The following PITPNM3 variants were observed in gnomAD, a reference collection of about 807,000 sequenced individuals.
PITPNM3 encodes the protein membrane-associated phosphatidylinositol transfer protein 3.
Under a neutral mutation model 102.0 loss-of-function variants are expected in PITPNM3, and 26 were observed. That is an observed-to-expected ratio of 0.25 (90% CI 0.19 to 0.35). The LOEUF (loss-of-function observed/expected upper bound fraction) is 0.35. Ranked by LOEUF, PITPNM3 falls within the 10% of genes least tolerant of loss-of-function variation. The probability of loss-of-function intolerance (pLI) is 1.00; values close to 1 mark genes in which losing one functional copy is unlikely to be tolerated. For missense variants in PITPNM3, 1,083 were observed against 1,346.1 expected, an observed-to-expected ratio of 0.80 and a Z score of 3.06; for synonymous variants, 578 against 558.6, an observed-to-expected ratio of 1.03 and a Z score of -0.49.
intron 3 of PITPNM3, among the ~76,000 whole-genome samples, chr17:6,508,136 C>T (rs532460717): frequency 5.9e-5 from 9 of 152,106 alleles, no homozygotes; most frequent in African/African-American, 1.7e-4. Context: ...TGCCAAGAGG[C>T]CAGGAGGTGA....
intron 9 of PITPNM3, among the ~76,000 whole-genome samples, chr17:6,475,130 C>T (rs1905245699): frequency 6.6e-6 from 1 of 152,214 alleles, no homozygotes; most frequent in African/African-American, 2.4e-5. Context: ...TTCTGTTCTG[C>T]TGGGATCAGG....
chr17:6,455,476 C>T lies in PITPNM3; in HGVS notation c.2787G>A (p.Val929=), dbSNP rs2150711435. Residue 929 remains valine (V), a synonymous_variant, in exon 20 of 20, where the codon GTG becomes GTA. Transcript: ENST00000262483. ...KRNHLRRTMS[V]QQPDPPAANP... ...TGGCGGCGGGCGGGTCGGGCTGCTGCACTGACATGGTTCTGCGCAGGTGGT... is the reference window on the plus strand; with the variant it reads ...TGGCGGCGGGCGGGTCGGGCTGCTGTACTGACATGGTTCTGCGCAGGTGGT... The T allele has an allele frequency of 6.2e-7, 1 of 1,605,608 alleles. No individual in the cohort carries two copies. Among genetic ancestry groups the T allele is most frequent in the South Asian group, 1.1e-5 (1 of 91,066 alleles).
chr17:6,544,334 C>T lies in PITPNM3; in HGVS notation c.23-6252G>A, dbSNP rs180994589. 9.2e-5 allele frequency among the ~76,000 whole-genome samples: 14 copies of T among 152,196 alleles called. No individual in the cohort carries two copies. In the East Asian group the frequency reaches 1.2e-3, roughly 13 times the overall value. On this transcript the variant is annotated intron_variant, in intron 1 of 19. Coordinates refer to ENST00000262483, the MANE Select transcript of PITPNM3 (RefSeq NM_031220.4). The stretch of plus-strand genomic sequence containing the variant: ...GAGCCCAGGAGTTTGAGACCAGCCA[C>T]GTCAACAAAGTGAGACCCCATCTGT...
At chr17:6,461,998 AGCCTCCTGG>A (rs1388991750) in intron 17 of PITPNM3, among the ~76,000 whole-genome samples, 1 of 151,458 alleles carries the variant, frequency 6.6e-6, no homozygotes, top group African/African-American at 2.4e-5. Context: ...CCACTACAAA[AGCCTCCTGG>A]GCGGCCTCTT....
chr17:6,480,517 C>A (rs1226101443), intron 6 of PITPNM3: 1 of 152,366 alleles, frequency 6.6e-6, no homozygotes, highest in African/African-American at 2.4e-5. Flanking sequence ...ACACCTGGCA[C>A]CCTGCTGGGG....
intron 1 of PITPNM3, among the ~76,000 whole-genome samples, chr17:6,550,859 G>A (rs1286898068): frequency 6.6e-6 from 1 of 152,178 alleles, no homozygotes; most frequent in Non-Finnish European, 1.5e-5. Flanking sequence ...ACAGGCTTGA[G>A]GTGGAACCTC....
chr17:6,466,921 G>A (rs67005450), intron 14 of PITPNM3, among the ~76,000 whole-genome samples: 28,354 of 151,700 alleles, frequency 0.19, 2,749 homozygotes, highest in African/African-American at 0.22. Flanking sequence ...ATAATTAGCC[G>A]GGCATGGTGG....
chr17:6,548,793 C>A (rs568463054), intron 1 of PITPNM3, among the ~76,000 whole-genome samples: 6 of 152,122 alleles, frequency 3.9e-5, no homozygotes, highest in Non-Finnish European at 8.8e-5. Context: ...CAGGCAAACA[C>A]GGTGTCAGCA....
intron 1 of PITPNM3, among the ~76,000 whole-genome samples, chr17:6,539,972 A>G (rs1909647037): frequency 6.6e-6 from 1 of 152,232 alleles, no homozygotes; most frequent in Non-Finnish European, 1.5e-5. Flanking sequence ...GAGTTTGAAC[A>G]GCAAGAGCCC....
chr17:6,486,975 C>G (rs1399392525), intron 4 of PITPNM3, among the ~76,000 whole-genome samples: 2 of 152,356 alleles, frequency 1.3e-5, no homozygotes, highest in South Asian at 2.1e-4. Flanking sequence ...AAGCCCAGGT[C>G]TGCCGCTGCC....
chr17:6,456,397 C>T (rs1360070037), intron 19 of PITPNM3, among the ~76,000 whole-genome samples: 3 of 152,100 alleles, frequency 2.0e-5, no homozygotes, highest in Non-Finnish European at 4.4e-5. Flanking sequence ...GTCACGCAGC[C>T]TCACCATGCC....
At chr17:6,515,284 G>A (rs1468280515) in intron 3 of PITPNM3, among the ~76,000 whole-genome samples, 1 of 151,466 alleles carries the variant, frequency 6.6e-6, no homozygotes, top group Non-Finnish European at 1.5e-5. Flanking sequence ...TGTAATCCCA[G>A]CTACTTGGGA....
chr17:6,471,859 G>A (rs1419584832), intron 11 of PITPNM3, among the ~76,000 whole-genome samples: 1 of 152,188 alleles, frequency 6.6e-6, no homozygotes, highest in Non-Finnish European at 1.5e-5. Context: ...ATGGGGGAGG[G>A]AGGTTTCCAG....
At chr17:6,519,569 C>A (rs58462936) in intron 3 of PITPNM3, among the ~76,000 whole-genome samples, 1 of 151,170 alleles carries the variant, frequency 6.6e-6, no homozygotes, top group African/African-American at 2.4e-5. Context: ...GTGGCTCACA[C>A]CTGTAATCCT....
At chr17:6,530,640 G>C (rs918250301) in intron 2 of PITPNM3, among the ~76,000 whole-genome samples, 18 of 152,174 alleles carry the variant, frequency 1.2e-4, no homozygotes, top group African/African-American at 3.9e-4. Flanking sequence ...CTTTGCTCTT[G>C]ATCCAGCTAC....
At chr17:6,522,286 GCACACACACA>G (rs35785551) in intron 3 of PITPNM3, among the ~76,000 whole-genome samples, 2 of 149,218 alleles carry the variant, frequency 1.3e-5, no homozygotes, top group Non-Finnish European at 3.0e-5. Flanking sequence ...TTTAGTGTGC[GCACACACACA>G]CACACACACA....
chr17:6,508,169 C>A (rs959760324), intron 3 of PITPNM3, among the ~76,000 whole-genome samples: 2 of 152,146 alleles, frequency 1.3e-5, no homozygotes, highest in Non-Finnish European at 2.9e-5. Context: ...CGCCAGTGCG[C>A]AAGCTTCACG....
Position 6,488,444 on chromosome 17 carries a change from G to A in PITPNM3, c.275-4152C>T, listed in dbSNP as rs146678819. ...ATGCGGCACTGGTCCTGGCTTACTC[G>A]TCTATTTCCCCATCAGACTGTGGGC... On this transcript the variant is annotated intron_variant, in intron 4 of 19. Transcript: ENST00000262483. 1.8e-3 allele frequency among the ~76,000 whole-genome samples: 279 copies of A among 152,084 alleles called. 1 individual carries two copies. Among genetic ancestry groups the A allele is most frequent in the African/African-American group, 4.7e-3 (196 of 41,484 alleles).
intron 14 of PITPNM3, among the ~76,000 whole-genome samples, chr17:6,466,015 G>A (rs999739340): frequency 1.3e-5 from 2 of 152,178 alleles, no homozygotes; most frequent in Admixed American, 6.5e-5. Flanking sequence ...TGCCCTCTGC[G>A]TAGAGTCCGG....
Sources: allele counts gnomAD v4.1 joint callset (sites outside exome capture counted in the v4.1 genomes callset), GRCh38; gene constraint gnomAD v4.1.1; transcripts MANE v1.5; gene names NCBI Gene and HGNC (gene_info 2026-07-23, HGNC 2026-07-21).